Variants in RGS6 observed in about 807,000 individuals in gnomAD.
RGS6 encodes the protein regulator of G-protein signaling 6.
A neutral mutation model predicts 78.5 loss-of-function variants in RGS6; 30 were observed. That is an observed-to-expected ratio of 0.38 (90% confidence interval 0.29 to 0.52). RGS6 has a LOEUF of 0.52. Among genes scored for constraint, RGS6 ranks in the 20% least tolerant of loss-of-function variants. The pLI is 0.85. For missense variants in RGS6, 495 were observed against 609.7 expected (o/e 0.81, Z 1.98); for synonymous variants, 206 against 206.0 (o/e 1.00, Z 0.00).
chr14:71,885,938 CCTT>C, the RGS6 span, among the ~76,000 whole-genome samples: 81 of 151,548 alleles, frequency 5.3e-4, no homozygotes, highest in East Asian at 0.015. Flanking sequence ...CTCCCACTCT[CCTT>C]CTCTTTTTTC....
chr14:72,238,501 A>G (rs559391466), intron 2 of RGS6, among the ~76,000 whole-genome samples: 1 of 152,240 alleles, frequency 6.6e-6, no homozygotes, highest in South Asian at 2.1e-4. Flanking sequence ...TCTGTGCCAC[A>G]GTTACGGTCT....
intron 2 of RGS6, among the ~76,000 whole-genome samples, chr14:72,208,142 G>T (rs1337334252): frequency 6.6e-6 from 1 of 152,196 alleles, no homozygotes; most frequent in African/African-American, 2.4e-5. Context: ...CACAAAACCC[G>T]ATTTGAGCCA....
intron 17 of RGS6, chr14:72,550,681 C>G (rs2097492807): frequency 6.9e-7 from 1 of 1,457,172 alleles, no homozygotes; most frequent in Admixed American, 2.3e-5. Context: ...CAATCACTAG[C>G]CTTTGTGAGT....
intron 2 of RGS6, among the ~76,000 whole-genome samples, chr14:72,345,455 G>T (rs2077844039): frequency 6.6e-6 from 1 of 152,178 alleles, no homozygotes; most frequent in Non-Finnish European, 1.5e-5. Context: ...ATAGTTAGCG[G>T]GTGGAATCCC....
intron 15 of RGS6, among the ~76,000 whole-genome samples, chr14:72,535,307 G>T (rs2097235283): frequency 6.6e-6 from 1 of 152,232 alleles, no homozygotes; most frequent in South Asian, 2.1e-4. Flanking sequence ...CTGTGATGTG[G>T]TTGCCAAGAA....
At chr14:72,379,314 T>C (rs1456609709) in intron 3 of RGS6, among the ~76,000 whole-genome samples, 1 of 151,958 alleles carries the variant, frequency 6.6e-6, no homozygotes, top group South Asian at 2.1e-4. Context: ...TTCAACATAG[T>C]AATGGAAGCC....
At chr14:72,407,625 G>C (rs764153453) in intron 3 of RGS6, among the ~76,000 whole-genome samples, 1 of 152,200 alleles carries the variant, frequency 6.6e-6, no homozygotes, top group Admixed American at 6.5e-5. Flanking sequence ...CAGTAAACCG[G>C]GAGAGGCTTC....
chr14:72,120,813 A>C (rs2096030182), intron 2 of RGS6, among the ~76,000 whole-genome samples: 1 of 152,216 alleles, frequency 6.6e-6, no homozygotes, highest in Non-Finnish European at 1.5e-5. Flanking sequence ...CTGATTCAAA[A>C]GGAGCACAAG....
intron 1 of RGS6, among the ~76,000 whole-genome samples, chr14:71,947,061 C>T (rs905086986): frequency 1.3e-5 from 2 of 152,114 alleles, no homozygotes; most frequent in African/African-American, 4.8e-5. Flanking sequence ...CTGTCAGCCC[C>T]CCTTACAGTG....
chr14:72,463,346 G>A (rs2095828691), intron 6 of RGS6, among the ~76,000 whole-genome samples: 1 of 152,220 alleles, frequency 6.6e-6, no homozygotes. Context: ...GCCCTAGTGA[G>A]GGCACTCTGG....
At chr14:71,885,935 TCTC>T in the RGS6 span, among the ~76,000 whole-genome samples, 1 of 150,732 alleles carries the variant, frequency 6.6e-6, no homozygotes, top group East Asian at 2.0e-4. Flanking sequence ...TCCCTCCCAC[TCTC>T]CTTCTCTTTT....
intron 2 of RGS6, among the ~76,000 whole-genome samples, chr14:72,165,623 C>T (rs2096914360): frequency 6.6e-6 from 1 of 152,120 alleles, no homozygotes; most frequent in African/African-American, 2.4e-5. Context: ...ATCTTTCCAC[C>T]CAAGCAAAAT....
At chr14:72,000,275 A>G (rs1029197734) in intron 2 of RGS6, among the ~76,000 whole-genome samples, 2 of 152,226 alleles carry the variant, frequency 1.3e-5, no homozygotes, top group African/African-American at 4.8e-5. Flanking sequence ...GTCTTGGGCC[A>G]TTCATGGGAC....
intron 2 of RGS6, among the ~76,000 whole-genome samples, chr14:72,145,598 C>T (rs2096597376): frequency 6.6e-6 from 1 of 152,174 alleles, no homozygotes; most frequent in Admixed American, 6.5e-5. Context: ...TGTGTCTCAG[C>T]CTCCCAAGTA....
At chr14:72,207,861 T>C (rs906826953) in intron 2 of RGS6, among the ~76,000 whole-genome samples, 3 of 152,224 alleles carry the variant, frequency 2.0e-5, no homozygotes, top group African/African-American at 7.2e-5. Flanking sequence ...CTTATCATGA[T>C]TCATCATCTA....
At chr14:71,956,392 A>G (rs907145982) in intron 1 of RGS6, among the ~76,000 whole-genome samples, 1 of 151,684 alleles carries the variant, frequency 6.6e-6, no homozygotes, top group Non-Finnish European at 1.5e-5. Context: ...TAGTATATAT[A>G]TAACAGTGTG....
chr14:72,446,749 G>C (rs113892728), intron 3 of RGS6, among the ~76,000 whole-genome samples: 10,955 of 152,254 alleles, frequency 0.072, 443 homozygotes, highest in Middle Eastern at 0.13. Flanking sequence ...CACCTGGGGG[G>C]TGATGGGAGA....
intron 2 of RGS6, among the ~76,000 whole-genome samples, chr14:72,133,395 G>T (rs145190237): frequency 4.6e-5 from 7 of 151,822 alleles, no homozygotes; most frequent in Non-Finnish European, 8.8e-5. Context: ...TTCCCTTTGC[G>T]ATACACAGGA....
At position 72,494,400 on chromosome 14, in the gene RGS6, G is replaced by A. The variant is rs376697784; in HGVS notation, c.855-752G>A. On this transcript the variant is annotated intron_variant, in intron 12 of 17. Transcript: ENST00000553525. ...AAAAATCAGGAATAGATATAAAAGC[G>A]TATAATTTAGAAATATATAGGTAGC... Among the ~76,000 whole-genome samples, 285 of 152,110 alleles carry A rather than the reference G, an allele frequency of 1.9e-3. 1 individual carries two copies. Among genetic ancestry groups the A allele is most frequent in the East Asian group, 3.3e-3 (17 of 5,180 alleles).
Sources: allele counts gnomAD v4.1 joint callset (sites outside exome capture counted in the v4.1 genomes callset), GRCh38; gene constraint gnomAD v4.1.1; transcripts MANE v1.5; gene names NCBI Gene and HGNC (gene_info 2026-07-23, HGNC 2026-07-21).